Variants in PHACTR1 observed in about 807,000 individuals in gnomAD.
The protein encoded by PHACTR1 is RPEL repeat containing 1.
PHACTR1 carries 16 observed loss-of-function variants against 69.2 expected under a neutral mutation model. That is an observed-to-expected ratio of 0.23 (90% CI 0.16 to 0.35). The LOEUF is 0.35. Ranked by LOEUF, PHACTR1 falls within the 10% of genes least tolerant of loss-of-function variation. PHACTR1 has a pLI of 1.00. For synonymous variants in PHACTR1, 312 were observed against 284.5 expected (o/e 1.10, Z -0.97); for missense variants, 510 against 734.7 (o/e 0.69, Z 3.54).
chr6:12,752,662 G>A (rs1220642760), intron 4 of PHACTR1, among the ~76,000 whole-genome samples: 1 of 152,154 alleles, frequency 6.6e-6, no homozygotes, highest in East Asian at 1.9e-4. Flanking sequence ...CAAATAAAGT[G>A]GACTGGGCAT....
chr6:13,151,310 C>T lies in PHACTR1; in HGVS notation c.416-8894C>T, dbSNP rs756858360. 8.2e-4 allele frequency among the ~76,000 whole-genome samples: 125 copies of T among 152,190 alleles called. 1 individual carries two copies. Among genetic ancestry groups the T allele is most frequent in the Non-Finnish European group, 1.6e-3 (111 of 68,028 alleles). On this transcript the variant is annotated intron_variant, in intron 5 of 14. Transcript: ENST00000332995. The stretch of plus-strand genomic sequence containing the variant: ...TCTGCTCTGGTAATCTGAGCAGGAC[C>T]AAATGACTTGTTCTAACATCAATAT...
At chr6:12,848,618 T>C (rs1779525114) in intron 4 of PHACTR1, among the ~76,000 whole-genome samples, 1 of 152,216 alleles carries the variant, frequency 6.6e-6, no homozygotes, top group Non-Finnish European at 1.5e-5. Context: ...AAATGACATT[T>C]AATAGGTTTT....
chr6:13,064,299 G>A (rs1808148594), intron 5 of PHACTR1, among the ~76,000 whole-genome samples: 1 of 151,668 alleles, frequency 6.6e-6, no homozygotes, highest in Non-Finnish European at 1.5e-5. Context: ...ATTGGATGTG[G>A]AAGTGGGGAG....
intron 3 of PHACTR1, among the ~76,000 whole-genome samples, chr6:12,722,053 C>T (rs1762199081): frequency 6.6e-6 from 1 of 152,226 alleles, no homozygotes; most frequent in Non-Finnish European, 1.5e-5. Context: ...TTGGCCAGTC[C>T]AGCCAGTGCA....
At chr6:12,900,968 C>G (rs1443470985) in intron 4 of PHACTR1, among the ~76,000 whole-genome samples, 1 of 152,044 alleles carries the variant, frequency 6.6e-6, no homozygotes. Flanking sequence ...GTTGAGAAAG[C>G]ATGTTGATAA....
intron 3 of PHACTR1, among the ~76,000 whole-genome samples, chr6:12,720,783 G>A (rs1762018417): frequency 6.6e-6 from 1 of 152,192 alleles, no homozygotes; most frequent in Non-Finnish European, 1.5e-5. Flanking sequence ...AAGAGCTCCA[G>A]GGATGGCTAC....
chr6:12,907,697 A>G (rs1288447245), intron 4 of PHACTR1, among the ~76,000 whole-genome samples: 1 of 152,226 alleles, frequency 6.6e-6, no homozygotes, highest in Non-Finnish European at 1.5e-5. Context: ...GAGTAGAACC[A>G]TAGTCTAGGT....
Position 13,205,954 on chromosome 6 carries a change from G to A in PHACTR1, c.804G>A (p.Gln268=), listed in dbSNP as rs752310821. Reference sequence around the variant, plus strand: ...CCTACACAGCCCAGAAGAGTGGCCAGCAGGGTGTGGCCCAGCACCACCACA... The same window carrying A: ...CCTACACAGCCCAGAAGAGTGGCCAACAGGGTGTGGCCCAGCACCACCACA... ...LVSYTAQKSG[Q]QGVAQHHHTV... is the part of the protein sequence containing the mutation. The change falls in exon 8 of 15, where the codon CAG becomes CAA. Residue 268 remains glutamine (Q), a synonymous_variant. Coordinates refer to ENST00000332995, the MANE Select transcript of PHACTR1 (RefSeq NM_030948.6). 12 of 1,613,894 alleles carry A rather than the reference G, an allele frequency of 7.4e-6. No homozygotes were observed. The African/African-American group carries it at 1.6e-4, about 22-fold the overall frequency.
intron 4 of PHACTR1, among the ~76,000 whole-genome samples, chr6:12,796,785 ACTAATAT>A (rs1209866145): frequency 6.6e-6 from 1 of 152,236 alleles, no homozygotes; most frequent in Non-Finnish European, 1.5e-5. Context: ...CAAAGTAGCA[ACTAATAT>A]CTATCTTTTC....
At chr6:12,781,773 TGGAGGGAG>T (rs1770855127) in intron 4 of PHACTR1, among the ~76,000 whole-genome samples, 2 of 152,212 alleles carry the variant, frequency 1.3e-5, no homozygotes, top group South Asian at 2.1e-4. Context: ...GACCTCCTCC[TGGAGGGAG>T]GGAGGGTGGT....
chr6:12,991,311 G>A (rs1256204375), intron 4 of PHACTR1, among the ~76,000 whole-genome samples: 1 of 152,176 alleles, frequency 6.6e-6, no homozygotes, highest in Non-Finnish European at 1.5e-5. Context: ...TGGCACCCAA[G>A]GGGTGGCCCT....
At chr6:12,840,987 C>G (rs1778636726) in intron 4 of PHACTR1, among the ~76,000 whole-genome samples, 1 of 152,214 alleles carries the variant, frequency 6.6e-6, no homozygotes, top group African/African-American at 2.4e-5. Flanking sequence ...AAATAGGAGT[C>G]TAAGTGGGAA....
chr6:13,097,609 C>G (rs1231851472), intron 5 of PHACTR1, among the ~76,000 whole-genome samples: 4 of 152,188 alleles, frequency 2.6e-5, no homozygotes, highest in African/African-American at 9.6e-5. Context: ...ACCATCTAGC[C>G]TGTCATAGAG....
intron 4 of PHACTR1, among the ~76,000 whole-genome samples, chr6:13,030,921 A>G (rs982642646): frequency 3.3e-5 from 5 of 152,168 alleles, no homozygotes; most frequent in Admixed American, 6.5e-5. Flanking sequence ...ATTCTTTACT[A>G]TGGAAGACTG....
At chr6:13,160,892 C>T (rs1463797209) in intron 6 of PHACTR1, among the ~76,000 whole-genome samples, 1 of 152,146 alleles carries the variant, frequency 6.6e-6, no homozygotes, top group Non-Finnish European at 1.5e-5. Context: ...TGAATTATTG[C>T]CTTTGAATAT....
Position 13,206,125 on chromosome 6 carries a change from G to A in PHACTR1, c.975G>A (p.Gln325=), listed in dbSNP as rs61745587. The A allele has an allele frequency of 6.1e-4, 967 of 1,596,266 alleles. 5 individuals are homozygous for A. In the African/African-American group the frequency reaches 0.011, roughly 19 times the overall value. Residue 325 remains glutamine, a synonymous_variant, in exon 8 of 15, where the codon CAG becomes CAA. Transcript: ENST00000332995. ...ACAAAACGCTGGCCATGACCATGCA[G>A]AGGCTGGAAAGGTAAAGGTGGGCAC... is the stretch of plus-strand genomic sequence containing the variant. ...ELNKTLAMTM[Q]RLESSEQRVP...
chr6:12,838,921 T>G (rs1196192737), intron 4 of PHACTR1, among the ~76,000 whole-genome samples: 1 of 152,212 alleles, frequency 6.6e-6, no homozygotes, highest in Non-Finnish European at 1.5e-5. Flanking sequence ...GGTCTTTAAA[T>G]TATAAGGCTG....
chr6:13,171,203 G>A (rs1162141435), intron 6 of PHACTR1, among the ~76,000 whole-genome samples: 1 of 134,168 alleles, frequency 7.5e-6, no homozygotes, highest in Admixed American at 8.1e-5. Flanking sequence ...AAGTAGAGCC[G>A]AGATCCACTG....
At chr6:12,716,996 AC>A (rs1761455675) in intron 1 of PHACTR1, 100 bp downstream of exon 1, 1 of 152,116 alleles carries the variant, frequency 6.6e-6, no homozygotes, top group African/African-American at 2.4e-5. Flanking sequence ...GGGATCTCCC[AC>A]AAAATCTATG....
Sources: gnomAD v4.1 joint callset for allele counts (sites outside exome capture counted in the v4.1 genomes callset) on GRCh38, gnomAD v4.1.1 for gene constraint, MANE v1.5 for transcripts, NCBI Gene and HGNC (gene_info 2026-07-23, HGNC 2026-07-21) for gene names.